OOSP3: variants seen among roughly 807,000 people sequenced by gnomAD.
OOSP3 encodes the protein oocyte secreted protein family member 3, also known as oocyte-secreted protein 3.
intron 2 of OOSP3, among the ~76,000 whole-genome samples, chr11:59,884,700 C>T (rs1853236753): frequency 6.6e-6 from 1 of 152,080 alleles, no homozygotes; most frequent in Non-Finnish European, 1.5e-5. Flanking sequence ...TACCAGATTT[C>T]ATCATGTTGG....
chr11:59,889,312 T>A (rs1459533745), intron 2 of OOSP3, among the ~76,000 whole-genome samples: 1 of 152,116 alleles, frequency 6.6e-6, no homozygotes, highest in Non-Finnish European at 1.5e-5. Context: ...TCAGTTCTTC[T>A]CTGAGCTTGG....
At chr11:59,884,449 T>TTGTC (rs1174429243) in intron 2 of OOSP3, among the ~76,000 whole-genome samples, 17 of 139,656 alleles carry the variant, frequency 1.2e-4, no homozygotes, top group South Asian at 4.5e-4. Flanking sequence ...TCATGTCTGT[T>TTGTC]TGTCTGTCTG....
At chr11:59,892,391 G>A (rs1447988100) in intron 2 of OOSP3, among the ~76,000 whole-genome samples, 1 of 151,962 alleles carries the variant, frequency 6.6e-6, no homozygotes, top group Non-Finnish European at 1.5e-5. Flanking sequence ...GGGTACCTCA[G>A]TTGGAAATGC....
rs148350863 is a variant in OOSP3, at chr11:59,885,461, G to T, written c.252+5022G>T. 2.8e-4 allele frequency among the ~76,000 whole-genome samples: 42 copies of T among 151,756 alleles called. 1 individual carries two copies. The East Asian group carries it at 8.2e-3, about 30-fold the overall frequency. On this transcript the variant is annotated intron_variant, in intron 2 of 4. Coordinates refer to ENST00000646438, the Ensembl canonical transcript of OOSP3. ...TAGGTATGAAGCCCAGCATGCATTA[G>T]CTATTCTCCCTCCCCATCCCCCTGA...
rs539478205 is a variant in OOSP3 at position 59,886,144 on chromosome 11, G to A, written c.252+5705G>A. Among the ~76,000 whole-genome samples, 73 of 152,220 alleles carry A rather than the reference G, an allele frequency of 4.8e-4. No homozygotes were observed. The South Asian group carries it at 0.014, about 29-fold the overall frequency. On this transcript the variant is annotated intron_variant, in intron 2 of 4. Coordinates refer to ENST00000646438, the Ensembl canonical transcript of OOSP3. The stretch of plus-strand genomic sequence containing the variant: ...CCACCTTTAAGTGAGAACATGCAGT[G>A]TTTGGTTTTCTGTTCCTGTGTTAGC...
chr11:59,884,555 A>G (rs1853235531), intron 2 of OOSP3, among the ~76,000 whole-genome samples: 1 of 150,162 alleles, frequency 6.7e-6, no homozygotes, highest in African/African-American at 2.5e-5. Context: ...GCTGGAGTGC[A>G]GTGGCATGAA....
chr11:59,884,463 GTCTGTCTGTCTGTCTCTCTCTC>G (rs1174786136), intron 2 of OOSP3, among the ~76,000 whole-genome samples: 4 of 117,142 alleles, frequency 3.4e-5, no homozygotes, highest in African/African-American at 1.6e-4. Flanking sequence ...CTGTCTGTCT[GTCTGTCTGTCTGTCTCTCTCTC>G]TCTCTCTCTC....
chr11:59,892,253 C>T (rs73490961), intron 2 of OOSP3, among the ~76,000 whole-genome samples: 2,027 of 152,284 alleles, frequency 0.013, 49 homozygotes, highest in African/African-American at 0.045. Flanking sequence ...CTCTCACCGC[C>T]TCCCTTGACT....
intron 2 of OOSP3, among the ~76,000 whole-genome samples, chr11:59,886,676 A>G (rs765147259): frequency 3.9e-5 from 6 of 152,036 alleles, no homozygotes; most frequent in Non-Finnish European, 7.4e-5. Context: ...GTGAGAACGT[A>G]TCTCATTGTG....
intron 3 of OOSP3, among the ~76,000 whole-genome samples, chr11:59,894,797 G>T (rs1373726650): frequency 6.6e-6 from 1 of 152,148 alleles, no homozygotes; most frequent in African/African-American, 2.4e-5. Context: ...CTAGGGAATG[G>T]CAAGTCAGGA....
At chr11:59,884,592 C>A (rs371664272) in intron 2 of OOSP3, among the ~76,000 whole-genome samples, 2 of 151,894 alleles carry the variant, frequency 1.3e-5, no homozygotes, top group African/African-American at 4.8e-5. Flanking sequence ...CTCCACCTCC[C>A]AGGTTCAAGC....
intron 2 of OOSP3, among the ~76,000 whole-genome samples, chr11:59,882,320 A>G (rs1381948483): frequency 6.6e-6 from 1 of 152,004 alleles, no homozygotes; most frequent in Admixed American, 6.6e-5. Context: ...TCAGGGTCTT[A>G]TAAGACCCCT....
chr11:59,879,209 C>A (rs1853179347), intron 1 of OOSP3, among the ~76,000 whole-genome samples: 1 of 152,200 alleles, frequency 6.6e-6, no homozygotes, highest in Non-Finnish European at 1.5e-5. Flanking sequence ...CCACCCTGAT[C>A]TCCCACTCAT....
chr11:59,882,212 G>A (rs1480466074), intron 2 of OOSP3, among the ~76,000 whole-genome samples: 2 of 151,924 alleles, frequency 1.3e-5, no homozygotes, highest in Non-Finnish European at 2.9e-5. Context: ...ATTACAGGAG[G>A]CACAAACTAT....
intron 2 of OOSP3, among the ~76,000 whole-genome samples, chr11:59,884,811 A>G (rs1054168521): frequency 2.0e-5 from 3 of 152,232 alleles, no homozygotes; most frequent in East Asian, 1.9e-4. Flanking sequence ...GCCTCATGTC[A>G]TCTTTAAATA....
chr11:59,881,362 CA>C (rs199571943), intron 2 of OOSP3, among the ~76,000 whole-genome samples: 1,721 of 115,788 alleles, frequency 0.015, 13 homozygotes, highest in African/African-American at 0.038. Flanking sequence ...GAGACTATCT[CA>C]AAAAAAAAAA....
At chr11:59,895,417 G>T (rs1396050592) in intron 3 of OOSP3, 85 bp from the exon 4 acceptor site, 4 of 387,822 alleles carry the variant, frequency 1.0e-5, no homozygotes, top group Non-Finnish European at 9.1e-6. Context: ...GAAAAAAAAT[G>T]AATTCAGACA....
intron 2 of OOSP3, among the ~76,000 whole-genome samples, chr11:59,886,039 C>G (rs1351992460): frequency 6.6e-6 from 1 of 152,034 alleles, no homozygotes; most frequent in Non-Finnish European, 1.5e-5. Context: ...TCCTAATGCT[C>G]TACTCCCCCA....
chr11:59,895,320 G>A (rs1853345560), intron 3 of OOSP3, among the ~76,000 whole-genome samples, 182 bp from the exon 4 acceptor site: 1 of 146,936 alleles, frequency 6.8e-6, no homozygotes, highest in Non-Finnish European at 1.5e-5. Flanking sequence ...GCCCCTAAAT[G>A]GAGGTTTGTT....
Sources: gnomAD v4.1 joint callset for allele counts (sites outside exome capture counted in the v4.1 genomes callset) on GRCh38, gnomAD v4.1.1 for gene constraint, MANE v1.5 for transcripts, NCBI Gene and HGNC (gene_info 2026-07-23, HGNC 2026-07-21) for gene names.